NEGR1: variants seen among roughly 807,000 people sequenced by gnomAD.
NEGR1 encodes the protein neuronal growth regulator 1.
In NEGR1, 10 loss-of-function variants were observed where a neutral mutation model predicts 40.9. That is an observed-to-expected ratio of 0.24 (90% CI 0.15 to 0.42). NEGR1 has a LOEUF of 0.42. Among genes scored for constraint, NEGR1 ranks in the 10% least tolerant of loss-of-function variants. NEGR1 has a pLI of 1.00. For missense variants in NEGR1, 352 were observed against 438.9 expected (o/e 0.80, Z 1.77); for synonymous variants, 185 against 166.8 (o/e 1.11, Z -0.84).
At chr1:72,085,549 A>T (rs1557518924) in intron 1 of NEGR1, among the ~76,000 whole-genome samples, 2 of 152,222 alleles carry the variant, frequency 1.3e-5, no homozygotes. Flanking sequence ...TTCTCTGAGG[A>T]AAAGCATCTG....
At chr1:71,821,476 A>C (rs554555287) in intron 2 of NEGR1, among the ~76,000 whole-genome samples, 1 of 152,126 alleles carries the variant, frequency 6.6e-6, no homozygotes, top group African/African-American at 2.4e-5. Context: ...AAGGTAATCT[A>C]TTCATTTAAT....
At chr1:71,888,605 G>A (rs1292304407) in intron 2 of NEGR1, among the ~76,000 whole-genome samples, 1 of 144,022 alleles carries the variant, frequency 6.9e-6, no homozygotes, top group Non-Finnish European at 1.5e-5. Context: ...ACAGCAGTCT[G>A]AGATCAAACT....
At chr1:71,453,573 C>G (rs1646648841) in intron 6 of NEGR1, among the ~76,000 whole-genome samples, 1 of 151,996 alleles carries the variant, frequency 6.6e-6, no homozygotes, top group Admixed American at 6.6e-5. Context: ...AATAGAAAAA[C>G]CAGAAACAAA....
chr1:71,550,831 A>C (rs1467873694), intron 6 of NEGR1, among the ~76,000 whole-genome samples: 2 of 151,654 alleles, frequency 1.3e-5, no homozygotes, highest in African/African-American at 4.8e-5. Context: ...TTCTTTCTAC[A>C]ACACTGAAAC....
chr1:71,649,296 A>G (rs1411465523), intron 4 of NEGR1, among the ~76,000 whole-genome samples: 1 of 152,128 alleles, frequency 6.6e-6, no homozygotes, highest in Non-Finnish European at 1.5e-5. Flanking sequence ...TTGGCAACAC[A>G]TATCAGAAGG....
intron 3 of NEGR1, among the ~76,000 whole-genome samples, chr1:71,746,772 G>GCACACA (rs57628799): frequency 7.7e-5 from 11 of 143,166 alleles, no homozygotes; most frequent in African/African-American, 1.8e-4. Context: ...ACACACACAC[G>GCACACA]CACACACACA....
chr1:71,408,442 T>C (rs1646293234), intron 6 of NEGR1, among the ~76,000 whole-genome samples: 1 of 152,096 alleles, frequency 6.6e-6, no homozygotes, highest in Admixed American at 6.6e-5. Context: ...TACAGTCTTA[T>C]ATATGGGGAA....
At chr1:71,785,653 T>C (rs1392926308) in intron 2 of NEGR1, among the ~76,000 whole-genome samples, 41 of 152,160 alleles carry the variant, frequency 2.7e-4, no homozygotes, top group Non-Finnish European at 5.9e-5. Context: ...AAGTGAACTG[T>C]TTTCTTGCCT....
intron 1 of NEGR1, among the ~76,000 whole-genome samples, chr1:72,267,309 G>A (rs1655680488): frequency 6.6e-6 from 1 of 150,810 alleles, no homozygotes; most frequent in African/African-American, 2.4e-5. Flanking sequence ...GCTATTAAAG[G>A]GTTTTATGAG....
intron 1 of NEGR1, among the ~76,000 whole-genome samples, chr1:72,258,690 C>A (rs1190627119): frequency 6.6e-6 from 1 of 151,974 alleles, no homozygotes; most frequent in Non-Finnish European, 1.5e-5. Flanking sequence ...GAAACTCTAC[C>A]TTAAAAATTC....
At chr1:71,705,269 G>A (rs1443622415) in intron 3 of NEGR1, among the ~76,000 whole-genome samples, 1 of 152,082 alleles carries the variant, frequency 6.6e-6, no homozygotes, top group Non-Finnish European at 1.5e-5. Context: ...TGACTTAAAT[G>A]TGAATCATAC....
intron 3 of NEGR1, among the ~76,000 whole-genome samples, chr1:71,707,871 A>G (rs535021772): frequency 2.0e-5 from 3 of 152,290 alleles, no homozygotes; most frequent in Non-Finnish European, 4.4e-5. Flanking sequence ...GGCAATTCAG[A>G]GACTTCTCTT....
chr1:71,834,201 G>T (rs1658935337), intron 2 of NEGR1, among the ~76,000 whole-genome samples: 1 of 152,116 alleles, frequency 6.6e-6, no homozygotes, highest in Non-Finnish European at 1.5e-5. Flanking sequence ...GGAGTAAGAA[G>T]AAATTGGTAT....
chr1:72,042,333 A>T (rs1259598955), intron 1 of NEGR1, among the ~76,000 whole-genome samples: 1 of 151,810 alleles, frequency 6.6e-6, no homozygotes, highest in African/African-American at 2.4e-5. Flanking sequence ...TGCACCTTAC[A>T]AAACTACCGG....
At chr1:71,949,827 T>C (rs773517955) in intron 1 of NEGR1, among the ~76,000 whole-genome samples, 4 of 152,100 alleles carry the variant, frequency 2.6e-5, no homozygotes, top group South Asian at 2.1e-4. Flanking sequence ...TTAGTGATAC[T>C]AAATTCTAGC....
At chr1:72,057,997 T>C (rs1277577618) in intron 1 of NEGR1, among the ~76,000 whole-genome samples, 4 of 151,472 alleles carry the variant, frequency 2.6e-5, no homozygotes, top group Non-Finnish European at 5.9e-5. Flanking sequence ...CACAGTTAGG[T>C]CCCTGGCGCA....
chr1:72,151,085 A>C (rs558447453), intron 1 of NEGR1, among the ~76,000 whole-genome samples: 16 of 152,058 alleles, frequency 1.1e-4, no homozygotes, highest in African/African-American at 3.6e-4. Context: ...ATAGAATAAT[A>C]ATTTTAACAA....
chr1:72,049,282 A>T (rs1279610110), intron 1 of NEGR1, among the ~76,000 whole-genome samples: 2 of 151,686 alleles, frequency 1.3e-5, no homozygotes, highest in African/African-American at 4.8e-5. Flanking sequence ...CCAAGCTTTC[A>T]GTGAGCTATT....
At chr1:72,111,607 GT>G (rs1485782566) in intron 1 of NEGR1, among the ~76,000 whole-genome samples, 1 of 151,716 alleles carries the variant, frequency 6.6e-6, no homozygotes, top group Non-Finnish European at 1.5e-5. Flanking sequence ...AGATATCAGA[GT>G]TTAATGGTGA....
Sources: allele counts gnomAD v4.1 joint callset (sites outside exome capture counted in the v4.1 genomes callset), GRCh38; gene constraint gnomAD v4.1.1; transcripts MANE v1.5; gene names NCBI Gene and HGNC (gene_info 2026-07-23, HGNC 2026-07-21).